Variants in SCN2A observed in about 807,000 individuals in gnomAD.
SCN2A encodes the protein sodium voltage-gated channel alpha subunit 2.
A neutral mutation model predicts 188.7 loss-of-function variants in SCN2A; 20 were observed. The ratio of observed to expected loss-of-function variants is 0.11; its 90% CI spans 0.07 to 0.15. The LOEUF is 0.15. Ranked by LOEUF, SCN2A falls within the 10% of genes least tolerant of loss-of-function variation. SCN2A has a pLI of 1.00. For synonymous variants in SCN2A, 804 were observed against 833.1 expected (o/e 0.97, Z 0.60); for missense variants, 1,278 against 2,445.0 (o/e 0.52, Z 10.07).
At position 165,239,438 on chromosome 2, in the gene SCN2A, G is replaced by A. The variant is rs185265887; in HGVS notation, c.-254G>A. The A allele has an allele frequency of 6.4e-6, 1 of 155,094 alleles. No homozygotes were observed. Among genetic ancestry groups the A allele is most frequent in the African/African-American group, 2.4e-5 (1 of 41,586 alleles). 9.6% of individuals were successfully genotyped at this position (155,094 alleles called of 1,614,324 possible). On this transcript the variant is annotated 5_prime_UTR_variant, in exon 1 of 27. The change abolishes an upstream ATG in the 5' untranslated region. Transcript: ENST00000375437. ...TAACAGACATTGGGTACCATCGAAT[G>A]ACTGTCAGAACAGAAAGCTAAGGCA...
At chr2:165,327,728 AC>A (rs1698437151) in intron 13 of SCN2A, 1 of 152,236 alleles carries the variant, frequency 6.6e-6, no homozygotes, top group Non-Finnish European at 1.5e-5. Context: ...TAGATAAAAC[AC>A]TGATGTATTT....
chr2:165,286,753 T>G (rs1695852776), intron 1 of SCN2A, among the ~76,000 whole-genome samples: 1 of 152,202 alleles, frequency 6.6e-6, no homozygotes, highest in Non-Finnish European at 1.5e-5. Flanking sequence ...CCCTGAGATT[T>G]TTGGGTTGAA....
intron 11 of SCN2A, among the ~76,000 whole-genome samples, chr2:165,317,768 T>C (rs796709666): frequency 8.5e-5 from 13 of 152,280 alleles, no homozygotes; most frequent in African/African-American, 2.9e-4. Flanking sequence ...TTAGAAGACA[T>C]GGCATGGCTG....
intron 1 of SCN2A, among the ~76,000 whole-genome samples, chr2:165,264,983 C>T (rs1480798049): frequency 6.6e-6 from 1 of 151,918 alleles, no homozygotes; most frequent in African/African-American, 2.4e-5. Flanking sequence ...TGGGTATATA[C>T]CTGGTAAAGG....
intron 17 of SCN2A, among the ~76,000 whole-genome samples, chr2:165,357,099 T>C (rs1056387190): frequency 3.3e-5 from 5 of 152,150 alleles, no homozygotes; most frequent in Non-Finnish European, 7.4e-5. Context: ...TCAAACTTTC[T>C]AGACATAAAT....
rs1287942165 is a variant in SCN2A at position 165,342,271 on chromosome 2, A to G, written c.2389-25A>G. On this transcript the variant is annotated intron_variant, in intron 14 of 26. Coordinates refer to ENST00000375437, the MANE Select transcript of SCN2A (RefSeq NM_001040142.2). ...TCGTGTTTCAAGAGTATTTGCTCAT[A>G]TAATGAACTACACTTCTCATTTAGG... 10 of 1,600,686 alleles carry G rather than the reference A, an allele frequency of 6.2e-6. No homozygotes were observed. In the African/African-American group the frequency reaches 8.0e-5, roughly 13 times the overall value.
chr2:165,300,848 A>G (rs1409972972), intron 3 of SCN2A, among the ~76,000 whole-genome samples: 1 of 152,166 alleles, frequency 6.6e-6, no homozygotes. Flanking sequence ...CTTGACTCAC[A>G]TATTTAAAAG....
intron 1 of SCN2A, among the ~76,000 whole-genome samples, chr2:165,291,345 G>A (rs925418102): frequency 9.7e-5 from 10 of 102,744 alleles, no homozygotes; most frequent in Non-Finnish European, 1.9e-4. Context: ...GGACTTGTCT[G>A]TCGTTCGTTC....
chr2:165,278,634 G>C (rs1695450293), intron 1 of SCN2A, among the ~76,000 whole-genome samples: 1 of 152,106 alleles, frequency 6.6e-6, no homozygotes, highest in Non-Finnish European at 1.5e-5. Context: ...TTGGTAAGAG[G>C]GAAGACTAGA....
intron 16 of SCN2A, among the ~76,000 whole-genome samples, chr2:165,351,396 C>T (rs753172797): frequency 2.0e-5 from 3 of 152,058 alleles, no homozygotes; most frequent in Non-Finnish European, 2.9e-5. Context: ...ATTGAGTTAT[C>T]AATTCATAAA....
At chr2:165,360,864 A>C (rs139088338) in intron 17 of SCN2A, among the ~76,000 whole-genome samples, 6 of 152,082 alleles carry the variant, frequency 3.9e-5, no homozygotes, top group Non-Finnish European at 8.8e-5. Flanking sequence ...TTCACCATAA[A>C]TTATGCCTAG....
chr2:165,327,241 A>T, intron 13 of SCN2A: 1 of 440,012 alleles, frequency 2.3e-6, no homozygotes, highest in South Asian at 2.1e-5. Flanking sequence ...TAAATTCTAA[A>T]CATTGAAACT....
chr2:165,354,898 T>A (rs1700104728), intron 17 of SCN2A, among the ~76,000 whole-genome samples: 1 of 152,224 alleles, frequency 6.6e-6, no homozygotes, highest in Admixed American at 6.5e-5. Flanking sequence ...ACATTTTGAA[T>A]TCTTGACAGT....
chr2:165,295,655 G>C, intron 1 of SCN2A, 118 bp from the exon 2 acceptor site: 2 of 939,640 alleles, frequency 2.1e-6, no homozygotes, highest in Non-Finnish European at 3.2e-6. Flanking sequence ...AGCTTTCTTT[G>C]AAAATATTAT....
At chr2:165,343,624 C>T (rs1284253998) in intron 15 of SCN2A, among the ~76,000 whole-genome samples, 10 of 152,124 alleles carry the variant, frequency 6.6e-5, no homozygotes, top group African/African-American at 2.4e-4. Flanking sequence ...TTAAATAATG[C>T]ACTACTTTCA....
At chr2:165,339,340 A>G (rs1434258155) in intron 14 of SCN2A, among the ~76,000 whole-genome samples, 1 of 152,060 alleles carries the variant, frequency 6.6e-6, no homozygotes, top group Non-Finnish European at 1.5e-5. Flanking sequence ...CTTTCCCCTT[A>G]ACATAGACAA....
intron 22 of SCN2A, among the ~76,000 whole-genome samples, chr2:165,376,779 G>T (rs1458957119): frequency 6.6e-6 from 1 of 151,848 alleles, no homozygotes; most frequent in Non-Finnish European, 1.5e-5. Flanking sequence ...TAGGAAAATT[G>T]CTCTCTTGCA....
intron 1 of SCN2A, among the ~76,000 whole-genome samples, chr2:165,252,137 A>G (rs767421352): frequency 6.6e-6 from 1 of 152,072 alleles, no homozygotes; most frequent in Non-Finnish European, 1.5e-5. Context: ...AGTACGAAAA[A>G]AAAATAGAAG....
intron 2 of SCN2A, chr2:165,296,371 T>A: frequency 2.2e-6 from 1 of 446,956 alleles, no homozygotes. Context: ...ATACAAATTA[T>A]ATGCTTAAAC....
Sources: gnomAD v4.1 joint callset for allele counts (sites outside exome capture counted in the v4.1 genomes callset) on GRCh38, gnomAD v4.1.1 for gene constraint, MANE v1.5 for transcripts, NCBI Gene and HGNC (gene_info 2026-07-23, HGNC 2026-07-21) for gene names.